The following SLC2A12 variants were observed in gnomAD, a reference collection of about 807,000 sequenced individuals.
SLC2A12 encodes solute carrier family 2, facilitated glucose transporter member 12.
In SLC2A12, 23 loss-of-function variants were observed where a neutral mutation model predicts 41.8. The observed-to-expected ratio is 0.55, with a 90% CI of 0.40 to 0.78. The LOEUF is 0.78. SLC2A12 is among the 30% of genes least tolerant of loss of function. SLC2A12 has a pLI of 0.00. For synonymous variants in SLC2A12, 295 were observed against 285.9 expected, an observed-to-expected ratio of 1.03 and a Z score of -0.32; for missense variants, 654 against 745.6, an observed-to-expected ratio of 0.88 and a Z score of 1.43.
rs1339229064 is a variant in SLC2A12 at position 133,988,034 on chromosome 6, A to G, written c.*3121T>C. 2 of 152,154 alleles carry G rather than the reference A, an allele frequency of 1.3e-5. No individual in the cohort carries two copies. Among genetic ancestry groups the G allele is most frequent in the African/African-American group, 2.4e-5 (1 of 41,440 alleles). The allele number at this position is 152,154 out of a possible 1,614,324, so 9.4% of individuals were successfully genotyped here. On this transcript the variant is annotated 3_prime_UTR_variant, in exon 5 of 5. Coordinates refer to ENST00000275230, the MANE Select transcript of SLC2A12 (RefSeq NM_145176.3). The stretch of plus-strand genomic sequence containing the variant: ...TAATCTTGGGTTGATGCCCAAGCCT[A>G]TACTAAGAGTCTTGTCAGAAGTTGG...
At chr6:134,025,839 T>C (rs1777105866) in intron 2 of SLC2A12, among the ~76,000 whole-genome samples, 1 of 152,142 alleles carries the variant, frequency 6.6e-6, no homozygotes, top group Admixed American at 6.5e-5. Flanking sequence ...GAGCCACCAC[T>C]CCCAGCCTCC....
At chr6:134,010,753 G>A (rs758892119) in intron 2 of SLC2A12, among the ~76,000 whole-genome samples, 6 of 152,120 alleles carry the variant, frequency 3.9e-5, no homozygotes, top group Non-Finnish European at 7.3e-5. Context: ...GCTACACAGA[G>A]TGTCATAAAA....
chr6:133,994,576 A>G (rs1194030457), intron 4 of SLC2A12, among the ~76,000 whole-genome samples: 5 of 152,182 alleles, frequency 3.3e-5, no homozygotes, highest in Non-Finnish European at 7.4e-5. Flanking sequence ...AAATACAAAA[A>G]AATTAGCCAG....
At chr6:133,992,069 ACTC>A (rs1776630538) in intron 4 of SLC2A12, among the ~76,000 whole-genome samples, 1 of 152,136 alleles carries the variant, frequency 6.6e-6, no homozygotes, top group Admixed American at 6.5e-5. Flanking sequence ...TAGGGAGGGA[ACTC>A]CTGCAGAGAA....
At chr6:134,008,200 A>G (rs934929604) in intron 2 of SLC2A12, among the ~76,000 whole-genome samples, 1 of 152,206 alleles carries the variant, frequency 6.6e-6, no homozygotes, top group African/African-American at 2.4e-5. Context: ...TGGGCTGCCT[A>G]TGCCAGAATC....
chr6:134,044,519 GC>G (rs1439379458), intron 1 of SLC2A12, among the ~76,000 whole-genome samples: 3 of 152,050 alleles, frequency 2.0e-5, no homozygotes, highest in Non-Finnish European at 4.4e-5. Context: ...TTTGAGACCA[GC>G]CTGGCCAACA....
intron 2 of SLC2A12, among the ~76,000 whole-genome samples, chr6:134,011,149 A>G (rs2114440629): frequency 6.6e-6 from 1 of 152,234 alleles, no homozygotes; most frequent in African/African-American, 2.4e-5. Context: ...CATGCCCTAT[A>G]CTTTGTAGGA....
At chr6:134,005,883 G>A (rs1776806862) in intron 3 of SLC2A12, among the ~76,000 whole-genome samples, 1 of 151,732 alleles carries the variant, frequency 6.6e-6, no homozygotes, top group African/African-American at 2.4e-5. Flanking sequence ...AAAAGACAGA[G>A]AGGAGGGCTA....
intron 4 of SLC2A12, among the ~76,000 whole-genome samples, chr6:134,000,227 T>C (rs1008730868): frequency 6.6e-6 from 1 of 152,178 alleles, no homozygotes; most frequent in Non-Finnish European, 1.5e-5. Context: ...TAATTTGATA[T>C]TTACCTTAAG....
chr6:134,052,457 C>T lies in SLC2A12; in HGVS notation c.24G>A (p.Glu8=). The T allele has an allele frequency of 1.2e-6, 2 of 1,613,466 alleles. No individual in the cohort carries two copies. The highest frequency in any genetic ancestry group is 1.1e-5 in the South Asian group (1 of 91,080). The change falls in exon 1 of 5, where the codon GAG becomes GAA. Residue 8 remains glutamate (E), a synonymous_variant. Transcript: ENST00000275230. ...CCTTCTGGTTCAGCAGACTGGGGCC[C>T]TCGGTGTTTTCAACAGGTACCATGG... MVPVENT[E]GPSLLNQKGT...
intron 1 of SLC2A12, among the ~76,000 whole-genome samples, chr6:134,038,698 T>TC: frequency 7.5e-6 from 1 of 133,420 alleles, no homozygotes; most frequent in Non-Finnish European, 1.6e-5. Flanking sequence ...TTCCTTTCTT[T>TC]CCTTTTTTTT....
At chr6:134,035,477 A>T (rs1259155713) in intron 1 of SLC2A12, among the ~76,000 whole-genome samples, 1 of 152,166 alleles carries the variant, frequency 6.6e-6, no homozygotes, top group Admixed American at 6.5e-5. Flanking sequence ...GTTTCAGTTT[A>T]TTACTATTGA....
In SLC2A12 at chr6:133,989,553, A is replaced by AT. The variant is rs1400730196; in HGVS notation, c.*1601dup. 1 of 152,168 alleles carries AT rather than the reference A, an allele frequency of 6.6e-6. No homozygotes were observed. Among genetic ancestry groups the AT allele is most frequent in the Admixed American group, 6.6e-5 (1 of 15,264 alleles). The allele number at this position is 152,168 out of a possible 1,614,324, so 9.4% of individuals were successfully genotyped here. On this transcript the variant is annotated 3_prime_UTR_variant, in exon 5 of 5. Coordinates refer to ENST00000275230, the MANE Select transcript of SLC2A12 (RefSeq NM_145176.3). ...CTTCTCTTTCCAAAAACAAAAAACA[A>AT]TGCATGCTCTGATTTGCGTATGAAA...
chr6:134,002,442 C>T (rs1175403355), intron 3 of SLC2A12, among the ~76,000 whole-genome samples: 1 of 151,906 alleles, frequency 6.6e-6, no homozygotes, highest in African/African-American at 2.4e-5. Flanking sequence ...TAAAAAAGCA[C>T]ATGCAAAAAA....
intron 1 of SLC2A12, among the ~76,000 whole-genome samples, chr6:134,033,321 C>T (rs577583046): frequency 1.8e-4 from 28 of 152,262 alleles, no homozygotes; most frequent in African/African-American, 6.7e-4. Context: ...AAAGTACTCT[C>T]TTATAGGTTC....
In SLC2A12 at chr6:133,991,110, C is replaced by T. The variant is rs370769510; in HGVS notation, c.*45G>A. On this transcript the variant is annotated 3_prime_UTR_variant, in exon 5 of 5. Transcript: ENST00000275230. ...CTATGCATTGGTCCAAAGACACCCT[C>T]CTAAGTGTTCTGGCACTATCCACGT... 2 of 1,578,264 alleles carry T rather than the reference C, an allele frequency of 1.3e-6. No homozygotes were observed. The highest frequency in any genetic ancestry group is 2.7e-5 in the African/African-American group (2 of 73,064).
rs2306648 is a variant in SLC2A12 at position 134,014,698 on chromosome 6, C to T, written c.1445-7764G>A. ...ATTAAGATAGTATTAAAGCCTTAGC[C>T]TGACACTTTAACATCTTTTACAGTC... On this transcript the variant is annotated intron_variant, in intron 2 of 4. Transcript: ENST00000275230. 2.5e-3 allele frequency among the ~76,000 whole-genome samples: 376 copies of T among 152,258 alleles called. 1 individual carries two copies. Among genetic ancestry groups the T allele is most frequent in the Admixed American group, 0.016 (240 of 15,288 alleles).
At chr6:134,002,771 G>T (rs924534589) in intron 3 of SLC2A12, among the ~76,000 whole-genome samples, 2 of 152,162 alleles carry the variant, frequency 1.3e-5, no homozygotes. Context: ...AAGTGATCAT[G>T]GATCCAGTAA....
chr6:134,049,487 G>A (rs778637039), intron 1 of SLC2A12, among the ~76,000 whole-genome samples: 2 of 152,164 alleles, frequency 1.3e-5, no homozygotes, highest in African/African-American at 2.4e-5. Context: ...CTGTGTGACC[G>A]TGGGCCGATC....
Sources: gnomAD v4.1 joint callset for allele counts (sites outside exome capture counted in the v4.1 genomes callset) on GRCh38, gnomAD v4.1.1 for gene constraint, MANE v1.5 for transcripts, NCBI Gene and HGNC (gene_info 2026-07-23, HGNC 2026-07-21) for gene names.